Variants in PLCG2 observed in about 807,000 individuals in gnomAD.
PLCG2 encodes the protein 1-phosphatidylinositol 4,5-bisphosphate phosphodiesterase gamma-2.
In PLCG2, 69 loss-of-function variants were observed where a neutral mutation model predicts 175.6. The observed-to-expected ratio is 0.39, with a 90% CI of 0.32 to 0.48. PLCG2 has a LOEUF of 0.48. Ranked by LOEUF, PLCG2 falls within the 20% of genes least tolerant of loss-of-function variation. PLCG2 has a pLI of 0.91. For missense variants in PLCG2, 1,798 were observed against 1,650.9 expected, an observed-to-expected ratio of 1.09 and a Z score of -1.54; for synonymous variants, 827 against 624.0, an observed-to-expected ratio of 1.33 and a Z score of -4.85.
chr16:81,866,451 C>T (rs111563675), intron 5 of PLCG2, among the ~76,000 whole-genome samples: 13 of 73,030 alleles, frequency 1.8e-4, no homozygotes, highest in South Asian at 6.5e-4. Context: ...CATGAGAGGA[C>T]GCTAGCCTCT....
At chr16:81,820,316 A>C (rs1904738102) in intron 2 of PLCG2, among the ~76,000 whole-genome samples, 20 of 148,548 alleles carry the variant, frequency 1.3e-4, no homozygotes, top group South Asian at 4.3e-4. Flanking sequence ...GCAGCCCCCC[A>C]CCCTCCCCAG....
intron 2 of PLCG2, among the ~76,000 whole-genome samples, chr16:81,840,728 G>A (rs557023566): frequency 1.3e-5 from 2 of 152,188 alleles, no homozygotes; most frequent in African/African-American, 2.4e-5. Context: ...CCTGCTGTGC[G>A]GCTCGATTCC....
rs1911741309 is a variant in PLCG2, at chr16:81,960,450, A to G, written c.*2452A>G. On this transcript the variant is annotated 3_prime_UTR_variant, in exon 33 of 33. Coordinates refer to ENST00000564138, the MANE Select transcript of PLCG2 (RefSeq NM_002661.5). ...CACTGTTTTTGTTCACCATTTTCCT[A>G]AGTGTGTTATTTAGAATATTGGTTA... is the stretch of plus-strand genomic sequence containing the variant. 2 of 227,768 alleles carry G rather than the reference A, an allele frequency of 8.8e-6. No individual in the cohort carries two copies. Among genetic ancestry groups the G allele is most frequent in the Admixed American group, 5.7e-5 (1 of 17,586 alleles). 14.1% of individuals were successfully genotyped at this position (227,768 alleles called of 1,614,324 possible). A position where few individuals can be genotyped will look rare whatever the true frequency, so the allele number is the denominator to read the frequency against.
chr16:81,827,088 G>C (rs9932427), intron 2 of PLCG2, among the ~76,000 whole-genome samples: 5,971 of 152,176 alleles, frequency 0.039, 167 homozygotes, highest in African/African-American at 0.072. Flanking sequence ...AGGGCTGCAT[G>C]TCCTTGTTGA....
Position 81,908,442 on chromosome 16 carries a change from T to C in PLCG2, c.1584T>C (p.Phe528=), listed in dbSNP as rs1278464245. The part of the protein sequence containing the change: ...PQDIPPTELH[F]GEKWFHKKVE... ...ATATACCCCCTACAGAACTACATTT[T>C]GGGGAGAAATGGTTCCACAAGAAGG... Residue 528 remains phenylalanine, a synonymous_variant, in exon 17 of 33, where the codon TTT becomes TTC. Coordinates refer to ENST00000564138, the MANE Select transcript of PLCG2 (RefSeq NM_002661.5). 4 of 1,613,914 alleles carry C rather than the reference T, an allele frequency of 2.5e-6. No individual in the cohort carries two copies. The African/African-American group carries it at 4.0e-5, about 16-fold the overall frequency.
chr16:81,745,361 A>C (rs140193438), intron 1 of PLCG2, among the ~76,000 whole-genome samples: 1 of 152,332 alleles, frequency 6.6e-6, no homozygotes, highest in East Asian at 1.9e-4. Context: ...AATATCCCTT[A>C]GGGTAGTCAC....
At chr16:81,913,966 C>G (rs1425454605) in intron 19 of PLCG2, among the ~76,000 whole-genome samples, 2 of 152,264 alleles carry the variant, frequency 1.3e-5, no homozygotes, top group African/African-American at 4.8e-5. Context: ...CTCCCACCAG[C>G]ATGGCTTTTC....
chr16:81,908,334 A>G (rs1211825968), intron 16 of PLCG2, 82 bp from the exon 17 acceptor site: 13 of 1,289,642 alleles, frequency 1.0e-5, no homozygotes, highest in Admixed American at 1.9e-5. Flanking sequence ...ACCCTGGGTC[A>G]GGGTGAGACA....
intron 1 of PLCG2, among the ~76,000 whole-genome samples, chr16:81,742,157 G>A (rs902759355): frequency 2.9e-5 from 2 of 68,644 alleles, no homozygotes; most frequent in Non-Finnish European, 3.8e-5. Context: ...GTGGGGGCGG[G>A]GGGGGGGGCG....
chr16:81,775,874 C>G (rs905062308), upstream of PLCG2, among the ~76,000 whole-genome samples: 6 of 151,890 alleles, frequency 4.0e-5, no homozygotes, highest in Admixed American at 3.3e-4. Flanking sequence ...GTTACAAACT[C>G]ACATCTCCCT....
intron 2 of PLCG2, among the ~76,000 whole-genome samples, chr16:81,842,198 G>A (rs1377762527): frequency 6.6e-6 from 1 of 152,190 alleles, no homozygotes; most frequent in African/African-American, 2.4e-5. Context: ...TACAAAGGGA[G>A]GCTTTCTCCT....
chr16:81,841,341 G>A (rs900582278), intron 2 of PLCG2, among the ~76,000 whole-genome samples: 14 of 151,912 alleles, frequency 9.2e-5, no homozygotes, highest in Admixed American at 3.3e-4. Flanking sequence ...GGCTCAAGCC[G>A]TTCTTCTCAG....
chr16:81,884,037 C>G (rs1412335708), intron 9 of PLCG2, among the ~76,000 whole-genome samples: 2 of 152,110 alleles, frequency 1.3e-5, no homozygotes, highest in Non-Finnish European at 1.5e-5. Flanking sequence ...CACAGGGCAG[C>G]CCCCCCTACC....
At chr16:81,838,077 A>T (rs1033574589) in intron 2 of PLCG2, among the ~76,000 whole-genome samples, 6 of 115,570 alleles carry the variant, frequency 5.2e-5, no homozygotes, top group African/African-American at 6.2e-5. Context: ...TTTGAAAGAT[A>T]CTAATTTTCT....
In PLCG2 at chr16:81,857,429, C is replaced by T. The variant is rs191461243; in HGVS notation, c.338-834C>T. On this transcript the variant is annotated intron_variant, in intron 3 of 32. Coordinates refer to ENST00000564138, the MANE Select transcript of PLCG2 (RefSeq NM_002661.5). ...CCACTGTCTCAGTGTGCTCTGGCTA[C>T]TGTAATGAAATGCTGTAGACTGGGG... Among the ~76,000 whole-genome samples the T allele has an allele frequency of 1.2e-4, 18 of 152,274 alleles. 1 individual carries two copies. Among genetic ancestry groups the T allele is most frequent in the East Asian group, 7.7e-4 (4 of 5,180 alleles).
At chr16:81,902,109 C>T (rs117525018) in intron 14 of PLCG2, among the ~76,000 whole-genome samples, 1,885 of 152,310 alleles carry the variant, frequency 0.012, 25 homozygotes, top group South Asian at 0.019. Context: ...TCAGCTGTCC[C>T]GTCCTTTTCT....
intron 7 of PLCG2, among the ~76,000 whole-genome samples, chr16:81,876,333 A>G (rs1490379019): frequency 4.6e-5 from 7 of 151,908 alleles, no homozygotes; most frequent in Non-Finnish European, 8.8e-5. Context: ...TAGCTTTTCT[A>G]TTGATGAGAT....
chr16:81,821,732 T>G (rs1431754459), intron 2 of PLCG2, among the ~76,000 whole-genome samples: 1 of 152,108 alleles, frequency 6.6e-6, no homozygotes, highest in Non-Finnish European at 1.5e-5. Flanking sequence ...CCAAAATAGA[T>G]CTTTCTCCGC....
At chr16:81,941,915 T>C (rs1296857154) in intron 30 of PLCG2, among the ~76,000 whole-genome samples, 2 of 152,202 alleles carry the variant, frequency 1.3e-5, no homozygotes, top group Non-Finnish European at 2.9e-5. Context: ...AGTGAACCAC[T>C]GTGCCTGGCC....
Sources: allele counts gnomAD v4.1 joint callset (sites outside exome capture counted in the v4.1 genomes callset), GRCh38; gene constraint gnomAD v4.1.1; transcripts MANE v1.5; gene names NCBI Gene and HGNC (gene_info 2026-07-23, HGNC 2026-07-21).